The following RASAL2 variants were observed in gnomAD, a reference collection of about 807,000 sequenced individuals.
RASAL2 encodes RAS protein activator like 2.
Under a neutral mutation model 128.9 loss-of-function variants are expected in RASAL2, and 58 were observed. That is an observed-to-expected ratio of 0.45 (90% CI 0.36 to 0.56). The LOEUF (loss-of-function observed/expected upper bound fraction) is 0.56, where lower values mean the gene tolerates loss of function less well. Among genes scored for constraint, RASAL2 ranks in the 20% least tolerant of loss-of-function variants. RASAL2 has a pLI of 0.00. For missense variants in RASAL2, 1,360 were observed against 1,601.6 expected (o/e 0.85, Z 2.57); for synonymous variants, 561 against 580.8 (o/e 0.97, Z 0.49).
At chr1:178,385,617 A>G (rs570089784) in intron 3 of RASAL2, among the ~76,000 whole-genome samples, 71 of 151,682 alleles carry the variant, frequency 4.7e-4, no homozygotes, top group Admixed American at 1.4e-3. Context: ...AGCTTTTTGG[A>G]AGAAAGGGGT....
In RASAL2 at chr1:178,477,864, G is replaced by T. The variant is rs187621705; in HGVS notation, c.*4625G>T. 6.6e-6 allele frequency: 1 copy of T among 152,130 alleles called. No individual in the cohort carries two copies. Among genetic ancestry groups the T allele is most frequent in the Non-Finnish European group, 1.5e-5 (1 of 68,028 alleles). The allele number at this position is 152,130 out of a possible 1,614,324, so 9.4% of individuals were successfully genotyped here. A position where few individuals can be genotyped will look rare whatever the true frequency, so the allele number is the denominator to read the frequency against. On this transcript the variant is annotated 3_prime_UTR_variant, in exon 18 of 18. Coordinates refer to ENST00000367649, the MANE Select transcript of RASAL2 (RefSeq NM_170692.4). ...AGCAACTTGAAATTGACTTGGTTTG[G>T]CATTGTCTCAAGAACCCTAGATATC...
At chr1:178,189,501 T>TCTGG (rs1273598690) in intron 1 of RASAL2, among the ~76,000 whole-genome samples, 1 of 152,208 alleles carries the variant, frequency 6.6e-6, no homozygotes, top group East Asian at 1.9e-4. Context: ...CTGGAAGCTT[T>TCTGG]AGAGTTATTT....
chr1:178,347,241 T>C (rs1670197881), intron 3 of RASAL2, among the ~76,000 whole-genome samples: 1 of 152,194 alleles, frequency 6.6e-6, no homozygotes, highest in Non-Finnish European at 1.5e-5. Flanking sequence ...GTAGAAATTC[T>C]CCCAGTGTCA....
rs1027473839 is a variant in RASAL2 at position 178,296,402 on chromosome 1, C to T, written c.331-3590C>T. Among the ~76,000 whole-genome samples the T allele has an allele frequency of 2.0e-5, 3 of 152,112 alleles. 1 individual carries two copies. In the South Asian group the frequency reaches 6.2e-4, roughly 32 times the overall value. ...AGAGACAGGGTCTCACTCTGTCACC[C>T]AGGCTGGAGTACAGTGATGTGTTCA... On this transcript the variant is annotated intron_variant, in intron 2 of 17. Transcript: ENST00000367649.
At chr1:178,193,104 G>A (rs189334783) in intron 1 of RASAL2, among the ~76,000 whole-genome samples, 10 of 152,278 alleles carry the variant, frequency 6.6e-5, no homozygotes, top group South Asian at 4.1e-4. Context: ...TCTAGATCAC[G>A]TTTGAGGGAA....
intron 5 of RASAL2, among the ~76,000 whole-genome samples, chr1:178,435,061 T>A (rs1310215980): frequency 6.6e-6 from 1 of 152,024 alleles, no homozygotes; most frequent in African/African-American, 2.4e-5. Context: ...TACAACAGTA[T>A]GTTGCTGCAC....
chr1:178,392,581 G>T (rs775346665), intron 4 of RASAL2, among the ~76,000 whole-genome samples: 14 of 152,286 alleles, frequency 9.2e-5, no homozygotes, highest in Non-Finnish European at 2.1e-4. Flanking sequence ...TGAACAAAGT[G>T]GCATGAATAC....
chr1:178,460,191 A>C (rs567024062), intron 14 of RASAL2, among the ~76,000 whole-genome samples: 25 of 152,374 alleles, frequency 1.6e-4, no homozygotes, highest in African/African-American at 5.8e-4. Flanking sequence ...AAATAGGATT[A>C]GCGAAGAGCA....
At chr1:178,389,185 T>TA in intron 3 of RASAL2, 3 of 690,500 alleles carry the variant, frequency 4.3e-6, no homozygotes, top group Non-Finnish European at 5.3e-6. Context: ...TAACACAGAA[T>TA]ACTTTTTTTA....
chr1:178,323,106 A>G (rs993920281), intron 3 of RASAL2, among the ~76,000 whole-genome samples: 1 of 151,150 alleles, frequency 6.6e-6, no homozygotes, highest in Non-Finnish European at 1.5e-5. Flanking sequence ...ATCAGAATTC[A>G]TTAGCATTTT....
intron 4 of RASAL2, among the ~76,000 whole-genome samples, chr1:178,401,692 G>A (rs1673640016): frequency 6.6e-6 from 1 of 152,124 alleles, no homozygotes; most frequent in African/African-American, 2.4e-5. Flanking sequence ...AAAGGTAAAT[G>A]GGGAGAAAAG....
chr1:178,159,925 A>C (rs549518297), intron 1 of RASAL2, among the ~76,000 whole-genome samples: 1 of 151,946 alleles, frequency 6.6e-6, no homozygotes, highest in Admixed American at 6.6e-5. Flanking sequence ...ACAAACAAAC[A>C]AAAAAAACTA....
At chr1:178,344,999 A>G (rs1557917150) in intron 3 of RASAL2, among the ~76,000 whole-genome samples, 1 of 152,196 alleles carries the variant, frequency 6.6e-6, no homozygotes, top group South Asian at 2.1e-4. Flanking sequence ...TTCTTTGTAC[A>G]TACTTGACAA....
chr1:178,175,027 A>G (rs1661836310), intron 1 of RASAL2, among the ~76,000 whole-genome samples: 1 of 152,190 alleles, frequency 6.6e-6, no homozygotes, highest in African/African-American at 2.4e-5. Context: ...ATTACTGGGA[A>G]TAAGGAGGTC....
chr1:178,186,148 A>G (rs774773756), intron 1 of RASAL2, among the ~76,000 whole-genome samples: 4 of 151,316 alleles, frequency 2.6e-5, no homozygotes, highest in Non-Finnish European at 4.4e-5. Flanking sequence ...TTAAGTTATC[A>G]TATTTATGGA....
intron 1 of RASAL2, among the ~76,000 whole-genome samples, chr1:178,265,322 G>C (rs745420868): frequency 6.6e-6 from 1 of 152,120 alleles, no homozygotes; most frequent in Non-Finnish European, 1.5e-5. Context: ...GCAGTAGCAC[G>C]ATCTTGGCTC....
In RASAL2 at chr1:178,442,705, C is replaced by T. The variant is rs189936961; in HGVS notation, c.958C>T (p.Arg320Cys). Residue 320 changes from arginine (R) to cysteine (C), a missense_variant, in exon 8 of 18, where the codon CGT (arginine) becomes TGT (cysteine). Arg to Cys is a radical substitution (Grantham distance 180). Transcript: ENST00000367649. ...TTGCAGGCGAGCTGAAAATGTTCTT[C>T]GTTTATGGATCATTGAAGCCAAGGA... ...DNCRRAENVL[R>C]LWIIEAKDLA... 28 of 1,607,678 alleles carry T rather than the reference C, an allele frequency of 1.7e-5. No homozygotes were observed. Among genetic ancestry groups the T allele is most frequent in the East Asian group, 2.2e-5 (1 of 44,776 alleles).
At chr1:178,219,931 G>T (rs951140183) in intron 1 of RASAL2, among the ~76,000 whole-genome samples, 1 of 152,026 alleles carries the variant, frequency 6.6e-6, no homozygotes, top group African/African-American at 2.4e-5. Flanking sequence ...TAATAGGGGC[G>T]GGTGGATCCC....
Position 178,478,303 on chromosome 1 carries a change from A to C in RASAL2, c.*5064A>C, listed in dbSNP as rs561158597. On this transcript the variant is annotated 3_prime_UTR_variant, in exon 18 of 18. Transcript: ENST00000367649. ...ATTTTATGTGATTTCCAAATTTTCG[A>C]GGGAAACATTTCAATTCCCAGTTCA... 6.6e-6 allele frequency: 1 copy of C among 152,310 alleles called. No individual in the cohort carries two copies. Among genetic ancestry groups the C allele is most frequent in the South Asian group, 2.1e-4 (1 of 4,824 alleles). The allele number at this position is 152,310 out of a possible 1,614,324, so 9.4% of individuals were successfully genotyped here. A position where few individuals can be genotyped will look rare whatever the true frequency, so the allele number is the denominator to read the frequency against.
Sources: gnomAD v4.1 joint callset for allele counts (sites outside exome capture counted in the v4.1 genomes callset) on GRCh38, gnomAD v4.1.1 for gene constraint, MANE v1.5 for transcripts, NCBI Gene and HGNC (gene_info 2026-07-23, HGNC 2026-07-21) for gene names.